GRIN2B: variants seen among roughly 807,000 people sequenced by gnomAD.
GRIN2B encodes the protein glutamate ionotropic receptor NMDA type subunit 2B.
In GRIN2B, 5 loss-of-function variants were observed where a neutral mutation model predicts 114.5. That is an observed-to-expected ratio of 0.04 (90% CI 0.02 to 0.09). The LOEUF is 0.09. Among genes scored for constraint, GRIN2B ranks in the 10% least tolerant of loss-of-function variants. The pLI is 1.00. For synonymous variants in GRIN2B, 787 were observed against 745.1 expected, an observed-to-expected ratio of 1.06 and a Z score of -0.92; for missense variants, 1,108 against 1,943.5, an observed-to-expected ratio of 0.57 and a Z score of 8.08.
intron 10 of GRIN2B, among the ~76,000 whole-genome samples, chr12:13,594,786 T>C (rs1161310569): frequency 4.6e-5 from 7 of 151,932 alleles, no homozygotes; most frequent in African/African-American, 7.3e-5. Context: ...TCTTGGAGCA[T>C]GGGTGTATTG....
chr12:13,774,979 AATGATGATG>A (rs75004247), intron 3 of GRIN2B, among the ~76,000 whole-genome samples: 3 of 151,580 alleles, frequency 2.0e-5, no homozygotes, highest in South Asian at 2.1e-4. Context: ...GGAGAGGTAA[AATGATGATG>A]ATGATGATGA....
chr12:13,794,714 T>C (rs945317196), intron 3 of GRIN2B, among the ~76,000 whole-genome samples: 1 of 152,182 alleles, frequency 6.6e-6, no homozygotes, highest in Non-Finnish European at 1.5e-5. Flanking sequence ...TGGGAAGATA[T>C]AACTCAGCAA....
At chr12:13,883,522 G>A (rs930691637) in intron 2 of GRIN2B, among the ~76,000 whole-genome samples, 25 of 151,760 alleles carry the variant, frequency 1.6e-4, no homozygotes, top group Non-Finnish European at 7.4e-5. Context: ...GTAGCTCATT[G>A]TAGTTTTGAG....
intron 3 of GRIN2B, among the ~76,000 whole-genome samples, chr12:13,767,314 A>G (rs978198301): frequency 4.0e-5 from 6 of 151,878 alleles, no homozygotes. Flanking sequence ...CTCCAGTTCA[A>G]CTGACTAGTC....
At position 13,682,633 on chromosome 12, in the gene GRIN2B, T is replaced by G. The variant is rs180842398; in HGVS notation, c.1011-6774A>C. 3.9e-4 allele frequency among the ~76,000 whole-genome samples: 60 copies of G among 152,338 alleles called. No homozygotes were observed. The East Asian group carries it at 9.7e-3, about 25-fold the overall frequency. On this transcript the variant is annotated intron_variant, in intron 4 of 13. Coordinates refer to ENST00000609686, the MANE Select transcript of GRIN2B (RefSeq NM_000834.5). ...AGATATATTAAAGTATCTTAAATTCTAAATTAGTGGTGTTAAGTTAATGAG... is the reference window on the plus strand; with the variant it reads ...AGATATATTAAAGTATCTTAAATTCGAAATTAGTGGTGTTAAGTTAATGAG...
At chr12:13,621,333 G>C (rs76226589) in intron 5 of GRIN2B, among the ~76,000 whole-genome samples, 10,839 of 152,216 alleles carry the variant, frequency 0.071, 543 homozygotes, top group South Asian at 0.12. Flanking sequence ...GCTAACAGGA[G>C]ATATTTCAGA....
chr12:13,567,527 C>T (rs1056073345), intron 12 of GRIN2B, among the ~76,000 whole-genome samples: 1 of 152,124 alleles, frequency 6.6e-6, no homozygotes, highest in Non-Finnish European at 1.5e-5. Flanking sequence ...AGACGTTGCT[C>T]CCGCTCTCCA....
intron 2 of GRIN2B, among the ~76,000 whole-genome samples, chr12:13,951,274 A>G (rs1450461198): frequency 6.6e-6 from 1 of 152,200 alleles, no homozygotes; most frequent in East Asian, 1.9e-4. Context: ...AACCTCCTGT[A>G]TGCAGACTGA....
intron 4 of GRIN2B, among the ~76,000 whole-genome samples, chr12:13,727,706 T>C (rs1863016519): frequency 6.6e-6 from 1 of 152,196 alleles, no homozygotes. Context: ...ACTCAGATGG[T>C]CATTGTTTCT....
chr12:13,890,963 C>A (rs1866251399), intron 2 of GRIN2B, among the ~76,000 whole-genome samples: 2 of 152,160 alleles, frequency 1.3e-5, no homozygotes, highest in African/African-American at 2.4e-5. Context: ...CCTCTTAAGG[C>A]AATGGCTTTT....
chr12:13,568,902 G>T (rs570818903), intron 12 of GRIN2B, among the ~76,000 whole-genome samples: 3 of 152,156 alleles, frequency 2.0e-5, no homozygotes, highest in Non-Finnish European at 4.4e-5. Context: ...AGTGGCTGAT[G>T]GTGTCTGCCT....
intron 10 of GRIN2B, among the ~76,000 whole-genome samples, chr12:13,591,989 T>A (rs567162532): frequency 2.0e-5 from 3 of 152,344 alleles, no homozygotes; most frequent in African/African-American, 4.8e-5. Flanking sequence ...TTGGAACATT[T>A]ACTCATTTAA....
At chr12:13,655,138 A>C (rs1949850452) in intron 5 of GRIN2B, among the ~76,000 whole-genome samples, 1 of 152,140 alleles carries the variant, frequency 6.6e-6, no homozygotes, top group South Asian at 2.1e-4. Flanking sequence ...TGGTAGTTGC[A>C]TATCATTTGG....
In GRIN2B at chr12:13,571,592, A is replaced by C. The variant is rs1806214; in HGVS notation, c.2171+212T>G. 6.9e-3 allele frequency among the ~76,000 whole-genome samples: 1,058 copies of C among 152,356 alleles called. 9 individuals carry two copies. The highest frequency in any genetic ancestry group is 0.024 in the African/African-American group (995 of 41,584). ...AGTGCAACTAGAAAATAATTTGTAA[A>C]AAAAATACATAGAAGTAATAGCATA... On this transcript the variant is annotated intron_variant, in intron 11 of 13. Coordinates refer to ENST00000609686, the MANE Select transcript of GRIN2B (RefSeq NM_000834.5).
At chr12:13,663,387 C>T (rs1361275703) in intron 5 of GRIN2B, among the ~76,000 whole-genome samples, 1 of 152,150 alleles carries the variant, frequency 6.6e-6, no homozygotes, top group Non-Finnish European at 1.5e-5. Context: ...TGGTTTATTA[C>T]AGTGAAACAA....
At position 13,648,820 on chromosome 12, in the gene GRIN2B, T is replaced by C. The variant is rs1053928134; in HGVS notation, c.1125+26925A>G. Among the ~76,000 whole-genome samples the C allele has an allele frequency of 2.6e-5, 4 of 152,052 alleles. No individual in the cohort carries two copies. In the East Asian group the frequency reaches 7.7e-4, roughly 29 times the overall value. ...TAAATTACATGCTAAATTAAATACC[T>C]AAGAGGCATAGGAGCTGTAGGAGCC... On this transcript the variant is annotated intron_variant, in intron 5 of 13. Transcript: ENST00000609686.
At chr12:13,627,872 C>T (rs1380053438) in intron 5 of GRIN2B, among the ~76,000 whole-genome samples, 1 of 152,224 alleles carries the variant, frequency 6.6e-6, no homozygotes, top group East Asian at 1.9e-4. Context: ...ATTTGCATGC[C>T]TTCCGTCTCC....
intron 2 of GRIN2B, among the ~76,000 whole-genome samples, chr12:13,969,129 T>C (rs991432299): frequency 6.6e-6 from 1 of 152,238 alleles, no homozygotes; most frequent in Non-Finnish European, 1.5e-5. Context: ...TCATCCTTCA[T>C]CCTCACTGAA....
intron 5 of GRIN2B, among the ~76,000 whole-genome samples, chr12:13,657,871 C>G (rs929449077): frequency 1.3e-5 from 2 of 152,136 alleles, no homozygotes; most frequent in Non-Finnish European, 2.9e-5. Flanking sequence ...ATGTATAATA[C>G]TATCTCAATT....
Sources: gnomAD v4.1 joint callset for allele counts (sites outside exome capture counted in the v4.1 genomes callset) on GRCh38, gnomAD v4.1.1 for gene constraint, MANE v1.5 for transcripts, NCBI Gene and HGNC (gene_info 2026-07-23, HGNC 2026-07-21) for gene names.